Variants in TOR1AIP1 observed in about 807,000 individuals in gnomAD.
The protein encoded by TOR1AIP1 is torsin 1A interacting protein 1.
Under a neutral mutation model 63.3 loss-of-function variants are expected in TOR1AIP1, and 54 were observed. That is an observed-to-expected ratio of 0.85 (90% CI 0.69 to 1.07). TOR1AIP1 has a LOEUF of 1.07. TOR1AIP1 is among the 50% of genes least tolerant of loss of function. TOR1AIP1 has a pLI of 0.00. For missense variants in TOR1AIP1, 736 were observed against 715.0 expected (o/e 1.03, Z -0.33); for synonymous variants, 294 against 273.5 (o/e 1.07, Z -0.74).
At chr1:179,897,066 A>C (rs796238250) in intron 3 of TOR1AIP1, among the ~76,000 whole-genome samples, 1 of 152,204 alleles carries the variant, frequency 6.6e-6, no homozygotes, top group Non-Finnish European at 1.5e-5. Flanking sequence ...TAGTGATGGG[A>C]TCAAGATAGC....
At chr1:179,899,055 T>G (rs1006151634) in intron 3 of TOR1AIP1, among the ~76,000 whole-genome samples, 1 of 152,176 alleles carries the variant, frequency 6.6e-6, no homozygotes, top group African/African-American at 2.4e-5. Flanking sequence ...ATTTTCAAAT[T>G]CACCGTATAA....
intron 3 of TOR1AIP1, among the ~76,000 whole-genome samples, 156 bp from the exon 4 acceptor site, chr1:179,899,970 G>C (rs1648398505): frequency 6.6e-6 from 1 of 152,128 alleles, no homozygotes; most frequent in South Asian, 2.1e-4. Context: ...AACAGAAAAA[G>C]AATTTATTTA....
At chr1:179,914,401 A>G (rs1648926766) in intron 9 of TOR1AIP1, among the ~76,000 whole-genome samples, 1 of 152,196 alleles carries the variant, frequency 6.6e-6, no homozygotes, top group African/African-American at 2.4e-5. Flanking sequence ...GGAGTCTGCA[A>G]ACCTGTATTT....
intron 6 of TOR1AIP1, 43 bp downstream of exon 6, chr1:179,904,065 C>A: frequency 1.4e-6 from 2 of 1,413,664 alleles, no homozygotes; most frequent in Non-Finnish European, 2.0e-6. Flanking sequence ...TGAGCTTGGT[C>A]AAATGATGTT....
intron 2 of TOR1AIP1, among the ~76,000 whole-genome samples, chr1:179,885,618 G>C (rs574412511): frequency 6.6e-6 from 1 of 152,240 alleles, no homozygotes; most frequent in Non-Finnish European, 1.5e-5. Context: ...CCCAGATCCT[G>C]ACTTATTTAC....
chr1:179,917,785 ATTC>A lies in TOR1AIP1; in HGVS notation c.1304_1306del (p.Ser435del), dbSNP rs770184915. 11 of 1,614,104 alleles carry A rather than the reference ATTC, an allele frequency of 6.8e-6. No individual in the cohort carries two copies. The highest frequency in any genetic ancestry group is 2.2e-5 in the East Asian group (1 of 44,904). On this transcript the variant is annotated inframe_deletion, in exon 10 of 10. Coordinates refer to ENST00000606911, the MANE Select transcript of TOR1AIP1 (RefSeq NM_015602.4). Reference sequence around the variant, plus strand: ...CTGAGTGAACAAATTGCTGATGCCTATTCTTCTTTTCGTAGTGTCCGTGCCATC... The same window carrying A: ...CTGAGTGAACAAATTGCTGATGCCTATTCTTTTCGTAGTGTCCGTGCCATC...
intron 7 of TOR1AIP1, 49 bp downstream of exon 7, chr1:179,907,913 C>CA: frequency 5.6e-6 from 2 of 356,120 alleles, no homozygotes; most frequent in Non-Finnish European, 8.4e-6. Context: ...ATTCTTTTCT[C>CA]TTTTTTTTTT....
At chr1:179,907,593 T>TTATATATA (rs55752745) in intron 6 of TOR1AIP1, among the ~76,000 whole-genome samples, 110 of 63,242 alleles carry the variant, frequency 1.7e-3, no homozygotes, top group African/African-American at 3.6e-3. Context: ...CACACACACT[T>TTATATATA]TATATATATA....
chr1:179,908,708 T>G, intron 8 of TOR1AIP1, 35 bp downstream of exon 8: 1 of 1,559,332 alleles, frequency 6.4e-7, no homozygotes. Flanking sequence ...GAAATAATCT[T>G]GTGTATTTGC....
intron 9 of TOR1AIP1, among the ~76,000 whole-genome samples, chr1:179,915,105 ATAT>A (rs1218621146): frequency 1.3e-5 from 2 of 152,210 alleles, no homozygotes; most frequent in Non-Finnish European, 2.9e-5. Flanking sequence ...CTGTTACAAT[ATAT>A]TATTTTTGTT....
At chr1:179,885,439 A>G (rs1413710324) in intron 2 of TOR1AIP1, among the ~76,000 whole-genome samples, 1 of 152,258 alleles carries the variant, frequency 6.6e-6, no homozygotes. Flanking sequence ...CTTAAGTTTT[A>G]AAAGCTGATT....
intron 5 of TOR1AIP1, among the ~76,000 whole-genome samples, chr1:179,902,947 C>T (rs1010046304): frequency 2.6e-5 from 4 of 151,738 alleles, no homozygotes; most frequent in Non-Finnish European, 5.9e-5. Flanking sequence ...ACATAAACCT[C>T]AGGTCCTGTG....
chr1:179,884,420 T>G (rs961588787), intron 1 of TOR1AIP1, among the ~76,000 whole-genome samples: 1 of 152,216 alleles, frequency 6.6e-6, no homozygotes, highest in African/African-American at 2.4e-5. Context: ...TTTGTGACTC[T>G]CTACCCCATC....
intron 5 of TOR1AIP1, among the ~76,000 whole-genome samples, chr1:179,902,422 C>G (rs995075619): frequency 2.0e-5 from 3 of 152,024 alleles, no homozygotes; most frequent in African/African-American, 7.3e-5. Context: ...GGATCTCTCT[C>G]TGTCACCCAG....
chr1:179,916,733 T>G (rs543111139), intron 9 of TOR1AIP1, among the ~76,000 whole-genome samples: 56 of 138,396 alleles, frequency 4.0e-4, no homozygotes, highest in African/African-American at 1.4e-3. Flanking sequence ...AGATGGAATC[T>G]CTCTCTGTCA....
At chr1:179,917,341 C>T in intron 9 of TOR1AIP1, 111 bp from the exon 10 acceptor site, 1 of 898,528 alleles carries the variant, frequency 1.1e-6, no homozygotes, top group Admixed American at 2.5e-5. Flanking sequence ...CTTTAAAGTC[C>T]TTCCTCTTTT....
rs765171330 is a variant in TOR1AIP1 at position 179,918,360 on chromosome 1, TTACA to T, written c.*124_*127del. ...GTTTCTTTTTAAAGAAGTTAAGTGC[TTACA>T]TAAACATGGAACATATAAATCATTC... On this transcript the variant is annotated 3_prime_UTR_variant, in exon 10 of 10. Coordinates refer to ENST00000606911, the MANE Select transcript of TOR1AIP1 (RefSeq NM_015602.4). 24 of 877,756 alleles carry T rather than the reference TTACA, an allele frequency of 2.7e-5. No homozygotes were observed. The highest frequency in any genetic ancestry group is 3.4e-5 in the Non-Finnish European group (20 of 591,124). 54.4% of individuals were successfully genotyped at this position (877,756 alleles called of 1,614,324 possible).
Position 179,882,519 on chromosome 1 carries a change from G to A in TOR1AIP1, c.17G>A (p.Arg6Gln). MAGDG[R>Q]RAEAVREGWG... Reference sequence around the variant, plus strand: ...TCAACAACTATGGCGGGCGACGGGCGGCGGGCAGAGGCGGTGCGGGAAGGA... The same window carrying A: ...TCAACAACTATGGCGGGCGACGGGCAGCGGGCAGAGGCGGTGCGGGAAGGA... The change falls in exon 1 of 10, where the codon CGG (arginine) becomes CAG (glutamine). Residue 6 changes from arginine to glutamine, a missense_variant. By Grantham distance (43) the Arg-to-Gln change is conservative. Around this residue, in one of 2 missense-constraint regions of TOR1AIP1, gnomAD observed 464 missense variants for 371.0 expected, o/e 1.25. Coordinates refer to ENST00000606911, the MANE Select transcript of TOR1AIP1 (RefSeq NM_015602.4). 1.4e-6 allele frequency: 2 copies of A among 1,455,500 alleles called. No individual in the cohort carries two copies. Among genetic ancestry groups the A allele is most frequent in the Admixed American group, 2.9e-5 (1 of 34,808 alleles). 90.2% of individuals were successfully genotyped at this position (1,455,500 alleles called of 1,614,324 possible).
chr1:179,907,911 C>CACT, intron 7 of TOR1AIP1, 47 bp downstream of exon 7: 1 of 636,574 alleles, frequency 1.6e-6, no homozygotes, highest in Non-Finnish European at 2.3e-6. Context: ...CAATTCTTTT[C>CACT]TCTTTTTTTT....
Sources: gnomAD v4.1 joint callset for allele counts (sites outside exome capture counted in the v4.1 genomes callset) on GRCh38, gnomAD v4.1.1 for gene constraint, gnomAD v4.1.1 regional missense constraint, MANE v1.5 for transcripts, NCBI Gene and HGNC (gene_info 2026-07-23, HGNC 2026-07-21) for gene names.